Variants in SPATA16 observed in about 807,000 individuals in gnomAD.
The protein encoded by SPATA16 is spermatogenesis associated 16, also known as spermatogenesis-associated protein 16.
A neutral mutation model predicts 63.3 loss-of-function variants in SPATA16; 36 were observed. The observed-to-expected ratio is 0.57, with a 90% confidence interval of 0.44 to 0.75. The LOEUF is 0.75. Among genes scored for constraint, SPATA16 ranks in the 30% least tolerant of loss-of-function variants. SPATA16 has a pLI of 0.00. For missense variants in SPATA16, 646 were observed against 679.3 expected (o/e 0.95, Z 0.54); for synonymous variants, 203 against 216.7 (o/e 0.94, Z 0.56).
chr3:173,037,330 G>T (rs1735736794), intron 3 of SPATA16, among the ~76,000 whole-genome samples: 1 of 151,984 alleles, frequency 6.6e-6, no homozygotes, highest in Non-Finnish European at 1.5e-5. Context: ...CTTTCCCAGA[G>T]CCTGTATGTG....
chr3:172,965,640 AT>A (rs532407449), intron 5 of SPATA16, among the ~76,000 whole-genome samples: 66 of 149,338 alleles, frequency 4.4e-4, no homozygotes, highest in Middle Eastern at 3.4e-3. Flanking sequence ...ATTATTTATT[AT>A]TTTTTTTTTG....
At chr3:172,948,665 G>A (rs1187337576) in intron 6 of SPATA16, among the ~76,000 whole-genome samples, 2 of 151,818 alleles carry the variant, frequency 1.3e-5, no homozygotes, top group East Asian at 1.9e-4. Context: ...TGGGGGTCTC[G>A]CTATGTTGTC....
intron 2 of SPATA16, among the ~76,000 whole-genome samples, chr3:173,093,683 T>G (rs1284390139): frequency 6.6e-6 from 1 of 152,166 alleles, no homozygotes; most frequent in East Asian, 1.9e-4. Flanking sequence ...AGACAGAAAT[T>G]GGGCCATCGC....
chr3:173,097,974 G>A (rs1411821598), intron 2 of SPATA16, among the ~76,000 whole-genome samples: 2 of 152,148 alleles, frequency 1.3e-5, no homozygotes, highest in East Asian at 3.9e-4. Context: ...TAGCAATGCT[G>A]CAGGGCATAT....
chr3:173,072,686 T>G (rs1471529415), intron 2 of SPATA16, among the ~76,000 whole-genome samples: 1 of 152,154 alleles, frequency 6.6e-6, no homozygotes, highest in East Asian at 1.9e-4. Flanking sequence ...CTAGATCTCT[T>G]TTTCTTTATA....
intron 3 of SPATA16, among the ~76,000 whole-genome samples, chr3:173,039,976 C>G (rs1396209199): frequency 1.3e-5 from 2 of 152,130 alleles, no homozygotes; most frequent in Non-Finnish European, 2.9e-5. Flanking sequence ...GATCCACCTT[C>G]AGAACATGCC....
At chr3:173,106,838 G>A (rs1737632626) in intron 2 of SPATA16, among the ~76,000 whole-genome samples, 1 of 151,884 alleles carries the variant, frequency 6.6e-6, no homozygotes, top group African/African-American at 2.4e-5. Flanking sequence ...TATGTTTCGA[G>A]GTTCATTCCA....
chr3:173,104,824 C>G (rs1047663134), intron 2 of SPATA16, among the ~76,000 whole-genome samples: 1 of 152,192 alleles, frequency 6.6e-6, no homozygotes, highest in South Asian at 2.1e-4. Context: ...TTCCCTCTCT[C>G]TATGGACTCT....
intron 2 of SPATA16, among the ~76,000 whole-genome samples, chr3:173,068,849 G>T (rs1209360094): frequency 6.7e-6 from 1 of 150,194 alleles, no homozygotes; most frequent in Admixed American, 6.6e-5. Context: ...GGTGGCTCAC[G>T]CCTGTAATCC....
At chr3:172,954,558 G>C (rs1406324981) in intron 6 of SPATA16, among the ~76,000 whole-genome samples, 1 of 152,044 alleles carries the variant, frequency 6.6e-6, no homozygotes, top group Non-Finnish European at 1.5e-5. Flanking sequence ...TATTACCTTC[G>C]GCTACTGATG....
In SPATA16 at chr3:173,069,606, G is replaced by A. The variant is rs140634847; in HGVS notation, c.613-20512C>T. ...ACTCTAACTATTCTAAACAATTGAGGAGGAGGAAATACTTCCAGACTTATT... is the reference window on the plus strand; with the variant it reads ...ACTCTAACTATTCTAAACAATTGAGAAGGAGGAAATACTTCCAGACTTATT... On this transcript the variant is annotated intron_variant, in intron 2 of 10. Transcript: ENST00000351008. Among the ~76,000 whole-genome samples the A allele has an allele frequency of 8.1e-4, 123 of 152,264 alleles. 1 individual carries two copies. The highest frequency in any genetic ancestry group is 2.7e-3 in the African/African-American group (112 of 41,550).
At chr3:173,138,545 A>G (rs1305053217) in intron 1 of SPATA16, among the ~76,000 whole-genome samples, 2 of 152,232 alleles carry the variant, frequency 1.3e-5, no homozygotes, top group African/African-American at 4.8e-5. Context: ...TGCACAACTT[A>G]TTTAGGTAAA....
chr3:173,062,624 T>G (rs2108301521), intron 2 of SPATA16, among the ~76,000 whole-genome samples: 1 of 152,302 alleles, frequency 6.6e-6, no homozygotes, highest in South Asian at 2.1e-4. Context: ...GAAATTCAGG[T>G]TTGCTGTCTC....
At chr3:173,027,973 TTCTC>T (rs1735490637) in intron 3 of SPATA16, among the ~76,000 whole-genome samples, 2 of 84,824 alleles carry the variant, frequency 2.4e-5, no homozygotes, top group South Asian at 5.0e-4. Flanking sequence ...AATTTATTTT[TTCTC>T]CCTCCCTCCC....
At chr3:172,929,941 T>C (rs182275361) in intron 6 of SPATA16, among the ~76,000 whole-genome samples, 16 of 152,354 alleles carry the variant, frequency 1.1e-4, no homozygotes, top group Admixed American at 1.0e-3. Flanking sequence ...CACCCAATTA[T>C]TCTGGCTTAA....
At chr3:172,906,772 C>T (rs963728104) in intron 10 of SPATA16, among the ~76,000 whole-genome samples, 4 of 152,014 alleles carry the variant, frequency 2.6e-5, no homozygotes, top group Non-Finnish European at 5.9e-5. Context: ...GACAAAGTCT[C>T]GCTCTGTTGC....
At chr3:173,070,616 A>C (rs1736651628) in intron 2 of SPATA16, among the ~76,000 whole-genome samples, 2 of 152,190 alleles carry the variant, frequency 1.3e-5, no homozygotes, top group South Asian at 4.1e-4. Flanking sequence ...AATTCAGCAA[A>C]ATTGCAGGAT....
At chr3:173,019,167 T>G (rs999025817) in intron 4 of SPATA16, among the ~76,000 whole-genome samples, 1 of 152,198 alleles carries the variant, frequency 6.6e-6, no homozygotes. Flanking sequence ...TATAGAAATG[T>G]GTCATTACAA....
intron 2 of SPATA16, among the ~76,000 whole-genome samples, chr3:173,056,676 C>G (rs550734026): frequency 7.5e-6 from 1 of 132,914 alleles, no homozygotes; most frequent in Non-Finnish European, 1.5e-5. Flanking sequence ...TGTACTCCAG[C>G]CTGGAGCAAC....
Sources: gnomAD v4.1 joint callset for allele counts (sites outside exome capture counted in the v4.1 genomes callset) on GRCh38, gnomAD v4.1.1 for gene constraint, MANE v1.5 for transcripts, NCBI Gene and HGNC (gene_info 2026-07-23, HGNC 2026-07-21) for gene names.